The following MTMR8 variants were observed in gnomAD, a reference collection of about 807,000 sequenced individuals.
MTMR8 encodes the protein phosphatidylinositol-3,5-bisphosphate 3-phosphatase MTMR8.
Under a neutral mutation model 39.3 loss-of-function variants are expected in MTMR8, and 65 were observed. The observed-to-expected ratio is 1.65, with a 90% CI of 1.35 to 2.03. MTMR8 has a LOEUF of 2.03. MTMR8 is among the 30% of genes most tolerant of loss of function. The probability of loss-of-function intolerance (pLI) is 0.00; values close to 1 mark genes in which losing one functional copy is unlikely to be tolerated. For synonymous variants in MTMR8, 245 were observed against 185.2 expected, an observed-to-expected ratio of 1.32 and a Z score of -2.62; for missense variants, 777 against 538.9, an observed-to-expected ratio of 1.44 and a Z score of -4.37.
intron 4 of MTMR8, 34 bp downstream of exon 4, chrX:64,354,743 T>G: frequency 8.7e-7 from 1 of 1,143,332 alleles, no homozygotes; most frequent in Non-Finnish European, 1.2e-6. Flanking sequence ...CTTAATTAAA[T>G]GCACCAAAAG....
chrX:64,380,478 A>G (rs1283958148), intron 1 of MTMR8, among the ~76,000 whole-genome samples: 1 of 112,764 alleles, frequency 8.9e-6, no homozygotes, highest in Non-Finnish European at 1.9e-5. Flanking sequence ...TTTAAGCTCC[A>G]TGGGTGATTC....
intron 13 of MTMR8, among the ~76,000 whole-genome samples, chrX:64,269,377 C>A (rs1384458239): frequency 9.0e-6 from 1 of 111,519 alleles, no homozygotes; most frequent in Non-Finnish European, 1.9e-5. Flanking sequence ...ACAGTATTTC[C>A]TTTTATCCTT....
rs1375674971 is a variant in MTMR8 at position 64,268,646 on chromosome X, T to A, written c.2006A>T (p.Asn669Ile). 1 of 1,211,474 alleles carries A rather than the reference T, an allele frequency of 8.3e-7. No homozygotes were observed. Among genetic ancestry groups the A allele is most frequent in the Non-Finnish European group, 1.1e-6 (1 of 895,447 alleles). ...DISEATGISG[N>I]LGISEARGFS... ...ACCCCTGGCCTCAGAAATACCCAAG[T>A]TTCCAGAGATGCCAGTGGCCTCAGA... is the stretch of plus-strand genomic sequence containing the variant. The change falls in exon 14 of 14, where the codon AAC becomes ATC. Residue 669 changes from asparagine to isoleucine, a missense_variant. By Grantham distance (149) the Asn-to-Ile change is moderately radical. Coordinates refer to ENST00000374852, the MANE Select transcript of MTMR8 (RefSeq NM_017677.4).
rs201988598 is a variant in MTMR8, at chrX:64,354,953, C to G, written c.311-19G>C. On this transcript the variant is annotated intron_variant, in intron 3 of 13. Transcript: ENST00000374852. The stretch of plus-strand genomic sequence containing the variant: ...GGTAATGCTGGAGAAGAGAGATAGG[C>G]ATGGAAAACAAAATGATGAATGAAA... The G allele has an allele frequency of 2.6e-6, 3 of 1,141,340 alleles. No homozygotes were observed. Among genetic ancestry groups the G allele is most frequent in the Non-Finnish European group, 3.5e-6 (3 of 854,739 alleles). The allele number at this position is 1,141,340 out of a possible 1,213,427, so 94.1% of individuals were successfully genotyped here. A position where few individuals can be genotyped will look rare whatever the true frequency, so the allele number is the denominator to read the frequency against.
intron 1 of MTMR8, among the ~76,000 whole-genome samples, chrX:64,370,781 G>A (rs758015194): frequency 9.0e-6 from 1 of 111,631 alleles, no homozygotes; most frequent in Admixed American, 9.5e-5. Context: ...TGCCTAGTGA[G>A]GCACTTCTCA....
At chrX:64,321,845 T>A (rs1044080987) in intron 12 of MTMR8, among the ~76,000 whole-genome samples, 2 of 111,824 alleles carry the variant, frequency 1.8e-5, no homozygotes, top group African/African-American at 3.2e-5. Context: ...CCATACATAA[T>A]TCGTTAAGTT....
intron 12 of MTMR8, among the ~76,000 whole-genome samples, chrX:64,319,211 A>G (rs1922559256): frequency 8.9e-6 from 1 of 112,574 alleles, no homozygotes; most frequent in Non-Finnish European, 1.9e-5. Flanking sequence ...GGAAGAAACT[A>G]TAAGAATAAA....
rs753295143 is a variant in MTMR8 at position 64,356,247 on chromosome X, G to C, written c.239C>G (p.Ala80Gly). The C allele has an allele frequency of 2.5e-6, 3 of 1,207,200 alleles. No individual in the cohort carries two copies. In the African/African-American group the frequency reaches 5.3e-5, roughly 21 times the overall value. ...LTLRCKNFRV[A>G]HFVLDSDLVC... Reference sequence around the variant, plus strand: ...AAGGTCAGAATCTAAAACAAAGTGGGCCACCCGGAAATTCTTGCAGCGGAG... The same window carrying C: ...AAGGTCAGAATCTAAAACAAAGTGGCCCACCCGGAAATTCTTGCAGCGGAG... Residue 80 changes from alanine (A) to glycine (G), a missense_variant, in exon 3 of 14, where the codon GCC (alanine) becomes GGC (glycine). By Grantham distance (60) the Ala-to-Gly change is moderately conservative. Coordinates refer to ENST00000374852, the MANE Select transcript of MTMR8 (RefSeq NM_017677.4).
intron 12 of MTMR8, among the ~76,000 whole-genome samples, chrX:64,307,568 T>C (rs900343694): frequency 2.0e-4 from 22 of 111,678 alleles, no homozygotes; most frequent in Non-Finnish European, 3.4e-4. Flanking sequence ...TCTATCCCTC[T>C]ACCACTGCCG....
rs753340483 is a variant in MTMR8 at position 64,271,084 on chromosome X, C to T, written c.1482-11G>A. The stretch of plus-strand genomic sequence containing the variant: ...ATCCCACACCAGAACCTCAAATAGA[C>T]AAAAATGGGGGGAAAAGTGGGTTAG... On this transcript the variant is annotated splice_polypyrimidine_tract_variant and intron_variant, in intron 12 of 13. Coordinates refer to ENST00000374852, the MANE Select transcript of MTMR8 (RefSeq NM_017677.4). The T allele has an allele frequency of 1.7e-6, 2 of 1,175,689 alleles. No homozygotes were observed. Among genetic ancestry groups the T allele is most frequent in the Non-Finnish European group, 2.3e-6 (2 of 879,319 alleles).
intron 12 of MTMR8, among the ~76,000 whole-genome samples, chrX:64,282,606 G>C (rs1437319469): frequency 1.8e-5 from 2 of 111,692 alleles, no homozygotes; most frequent in Non-Finnish European, 3.8e-5. Context: ...CTAAAGGTAA[G>C]GGTGAAAATT....
chrX:64,307,612 T>C (rs1051972769), intron 12 of MTMR8, among the ~76,000 whole-genome samples: 14 of 111,769 alleles, frequency 1.3e-4, no homozygotes, highest in African/African-American at 4.6e-4. Flanking sequence ...TATAAATGTC[T>C]TGAAATTGAG....
chrX:64,314,065 G>A (rs754914922), intron 12 of MTMR8, among the ~76,000 whole-genome samples: 8 of 112,334 alleles, frequency 7.1e-5, no homozygotes, highest in African/African-American at 1.6e-4. Context: ...TCAGGACTCC[G>A]GAACTCCATG....
chrX:64,388,853 T>C (rs1268168834), intron 1 of MTMR8, among the ~76,000 whole-genome samples: 2 of 112,188 alleles, frequency 1.8e-5, no homozygotes, highest in Non-Finnish European at 3.8e-5. Context: ...TCCACAGTGT[T>C]TGTGGTGTTA....
At chrX:64,270,238 A>G (rs1283860379) in intron 13 of MTMR8, among the ~76,000 whole-genome samples, 4 of 112,210 alleles carry the variant, frequency 3.6e-5, no homozygotes, top group African/African-American at 1.3e-4. Context: ...ATGTAATCAC[A>G]ACACATTTAT....
chrX:64,291,203 C>T (rs1921384078), intron 12 of MTMR8, among the ~76,000 whole-genome samples: 1 of 111,369 alleles, frequency 9.0e-6, no homozygotes, highest in Non-Finnish European at 1.9e-5. Context: ...AATTTTTACA[C>T]ATCCAATTGT....
intron 12 of MTMR8, among the ~76,000 whole-genome samples, chrX:64,294,624 C>G (rs889171902): frequency 2.5e-4 from 28 of 111,439 alleles, no homozygotes; most frequent in African/African-American, 9.1e-4. Flanking sequence ...ATATTTATTC[C>G]TCACAGTCAT....
intron 13 of MTMR8, among the ~76,000 whole-genome samples, chrX:64,269,570 T>C (rs750173903): frequency 2.7e-5 from 3 of 111,265 alleles, no homozygotes; most frequent in East Asian, 2.9e-4. Context: ...CTCTAACAGA[T>C]ATTTTCACTT....
chrX:64,381,800 C>T (rs1048719805), intron 1 of MTMR8, among the ~76,000 whole-genome samples: 30 of 111,301 alleles, frequency 2.7e-4, no homozygotes, highest in Non-Finnish European at 3.4e-4. Flanking sequence ...AGGAAGGGAT[C>T]CAGTTTCAGC....
Sources: allele counts gnomAD v4.1 joint callset (sites outside exome capture counted in the v4.1 genomes callset), GRCh38; gene constraint gnomAD v4.1.1; transcripts MANE v1.5; gene names NCBI Gene and HGNC (gene_info 2026-07-23, HGNC 2026-07-21).